Variants in LONRF1 observed in about 807,000 individuals in gnomAD.
LONRF1 encodes LON peptidase N-terminal domain and RING finger protein 1.
In LONRF1, 37 loss-of-function variants were observed where a neutral mutation model predicts 85.8. The observed-to-expected ratio is 0.43, with a 90% CI of 0.33 to 0.57. The LOEUF is 0.57. Among genes scored for constraint, LONRF1 ranks in the 20% least tolerant of loss-of-function variants. LONRF1 has a pLI of 0.04. For missense variants in LONRF1, 1,036 were observed against 978.0 expected (o/e 1.06, Z -0.79); for synonymous variants, 517 against 390.1 (o/e 1.33, Z -3.83).
chr8:12,750,739 T>G (rs991902542), intron 1 of LONRF1, among the ~76,000 whole-genome samples: 1 of 152,232 alleles, frequency 6.6e-6, no homozygotes, highest in Non-Finnish European at 1.5e-5. Flanking sequence ...TATAGTTTAT[T>G]GATGAATGCT....
chr8:12,737,164 G>A, intron 4 of LONRF1, 24 bp from the exon 5 acceptor site: 2 of 1,605,112 alleles, frequency 1.2e-6, no homozygotes, highest in Non-Finnish European at 1.7e-6. Flanking sequence ...ATAAACAAAG[G>A]TAACTGTATT....
intron 1 of LONRF1, among the ~76,000 whole-genome samples, chr8:12,744,596 T>C (rs914774517): frequency 2.6e-5 from 4 of 152,182 alleles, no homozygotes; most frequent in Admixed American, 1.3e-4. Context: ...GAGCTTATAA[T>C]CTAGCTAGAA....
chr8:12,722,646 C>T lies in LONRF1; in HGVS notation c.*450G>A, dbSNP rs1288892349. 1.9e-5 allele frequency: 3 copies of T among 154,348 alleles called. No individual in the cohort carries two copies. Among genetic ancestry groups the T allele is most frequent in the Admixed American group, 6.4e-5 (1 of 15,688 alleles). 9.6% of individuals were successfully genotyped at this position (154,348 alleles called of 1,614,324 possible). ...AAATTCAATTTGCAAAAACTTGTAT[C>T]GCTACTCTTGTAAACTTGGGCAATA... is the stretch of plus-strand genomic sequence containing the variant. On this transcript the variant is annotated 3_prime_UTR_variant, in exon 12 of 12. Coordinates refer to ENST00000398246, the MANE Select transcript of LONRF1 (RefSeq NM_152271.5).
chr8:12,737,667 G>C (rs1486676299), intron 4 of LONRF1, among the ~76,000 whole-genome samples: 1 of 152,108 alleles, frequency 6.6e-6, no homozygotes, highest in East Asian at 1.9e-4. Context: ...AGAAATCAAG[G>C]TGACTTATGT....
chr8:12,755,070 G>A lies in LONRF1; in HGVS notation c.351C>T (p.Ala117=), dbSNP rs965988470. The change falls in exon 1 of 12, where the codon GCC becomes GCT. Residue 117 remains alanine, a synonymous_variant. Transcript: ENST00000398246. ...AGCCCAGGCATCTGAGGAGCCCGCCGGCGCCGCCGTCAGCGCCTGCAACCG... is the reference window on the plus strand; with the variant it reads ...AGCCCAGGCATCTGAGGAGCCCGCCAGCGCCGCCGTCAGCGCCTGCAACCG... ...AAPVAGADGG[A]GGLLRCLGCR... 2.0e-5 allele frequency: 30 copies of A among 1,473,352 alleles called. No homozygotes were observed. In the African/African-American group the frequency reaches 3.2e-4, roughly 16 times the overall value. The allele number at this position is 1,473,352 out of a possible 1,614,324, so 91.3% of individuals were successfully genotyped here.
intron 10 of LONRF1, among the ~76,000 whole-genome samples, chr8:12,727,672 C>T (rs1456293912): frequency 1.3e-5 from 2 of 152,130 alleles, no homozygotes; most frequent in African/African-American, 4.8e-5. Context: ...TAAATTTACA[C>T]AAAACTGAAA....
At chr8:12,737,739 A>C (rs1162484002) in intron 4 of LONRF1, among the ~76,000 whole-genome samples, 1 of 152,154 alleles carries the variant, frequency 6.6e-6, no homozygotes, top group Non-Finnish European at 1.5e-5. Flanking sequence ...AGGAAACATA[A>C]ATGCAATGTT....
At chr8:12,746,616 C>G (rs1799164891) in intron 1 of LONRF1, among the ~76,000 whole-genome samples, 1 of 152,190 alleles carries the variant, frequency 6.6e-6, no homozygotes, top group African/African-American at 2.4e-5. Context: ...ATTTCCTTAG[C>G]TTTAATATTC....
At position 12,731,864 on chromosome 8, in the gene LONRF1, G is replaced by C. The variant is rs1798540938; in HGVS notation, c.1567-7C>G. On this transcript the variant is annotated splice_region_variant and splice_polypyrimidine_tract_variant and intron_variant, in intron 7 of 11. Coordinates refer to ENST00000398246, the MANE Select transcript of LONRF1 (RefSeq NM_152271.5). ...ACCTCCTATCTGCTAGATACTAAAA[G>C]ACAATATTATTTTACATTCCAGCAG... is the stretch of plus-strand genomic sequence containing the variant. 2.5e-6 allele frequency: 4 copies of C among 1,605,906 alleles called. No individual in the cohort carries two copies. Among genetic ancestry groups the C allele is most frequent in the African/African-American group, 1.3e-5 (1 of 74,366 alleles).
At chr8:12,749,214 G>A (rs1799282683) in intron 1 of LONRF1, among the ~76,000 whole-genome samples, 2 of 152,074 alleles carry the variant, frequency 1.3e-5, no homozygotes, top group South Asian at 4.1e-4. Context: ...AGATACAGAA[G>A]AGTATTTTCT....
Position 12,725,875 on chromosome 8 carries a change from T to C in LONRF1, c.2015A>G (p.Glu672Gly). 1 of 1,608,386 alleles carries C rather than the reference T, an allele frequency of 6.2e-7. No individual in the cohort carries two copies. Among genetic ancestry groups the C allele is most frequent in the Non-Finnish European group, 8.5e-7 (1 of 1,176,842 alleles). The change falls in exon 11 of 12, where the codon GAG becomes GGG. Residue 672 changes from glutamate (E) to glycine (G), a missense_variant. Around this residue, in one of 3 missense-constraint regions of LONRF1, gnomAD observed 265 missense variants for 301.5 expected, o/e 0.88. Coordinates refer to ENST00000398246, the MANE Select transcript of LONRF1 (RefSeq NM_152271.5). The part of the protein sequence containing the change: ...DIEYLEDVKV[E>G]NEDEIKNLRE... ...GAGATTCTTAATCTCATCTTCATTCTCAACCTAGAAATACAATAGTCAGTA... is the reference window on the plus strand; with the variant it reads ...GAGATTCTTAATCTCATCTTCATTCCCAACCTAGAAATACAATAGTCAGTA...
At chr8:12,734,051 G>C (rs1798628372) in intron 7 of LONRF1, among the ~76,000 whole-genome samples, 1 of 152,036 alleles carries the variant, frequency 6.6e-6, no homozygotes, top group South Asian at 2.1e-4. Flanking sequence ...AATTACTTTT[G>C]CACCAACCTA....
chr8:12,754,820 C>T lies in LONRF1; in HGVS notation c.601G>A (p.Ala201Thr). The change falls in exon 1 of 12, where the codon GCC (alanine) becomes ACC (threonine). Residue 201 changes from alanine (A) to threonine (T), a missense_variant. Physicochemically the swap from Ala to Thr is moderately conservative, Grantham distance 58. Coordinates refer to ENST00000398246, the MANE Select transcript of LONRF1 (RefSeq NM_152271.5). Reference protein sequence around the residue: ...FRTSVVLNHLAEKWFPGQRER... With the variant: ...FRTSVVLNHLTEKWFPGQRER... Reference sequence around the variant, plus strand: ...CGCTGGCCCGGAAACCACTTCTCGGCCAGGTGGTTGAGGACGACGCTGGTT... The same window carrying T: ...CGCTGGCCCGGAAACCACTTCTCGGTCAGGTGGTTGAGGACGACGCTGGTT... 2.0e-6 allele frequency: 3 copies of T among 1,492,948 alleles called. No individual in the cohort carries two copies. Among genetic ancestry groups the T allele is most frequent in the South Asian group, 2.5e-5 (2 of 79,810 alleles). 92.5% of individuals were successfully genotyped at this position (1,492,948 alleles called of 1,614,324 possible).
At chr8:12,750,270 G>A (rs941017485) in intron 1 of LONRF1, among the ~76,000 whole-genome samples, 17 of 152,184 alleles carry the variant, frequency 1.1e-4, no homozygotes, top group African/African-American at 4.1e-4. Context: ...AGTGTTTACT[G>A]TTTCAAGTCC....
rs1356685241 is a variant in LONRF1 at position 12,737,139 on chromosome 8, C to T, written c.1115G>A (p.Ser372Asn). Reference sequence around the variant, plus strand: ...TGAAGTGACCTCTGGTATTTCTTCACTCTACAAAAATACAATAAACAAAGG... The same window carrying T: ...TGAAGTGACCTCTGGTATTTCTTCATTCTACAAAAATACAATAAACAAAGG... ...QSLNEPSPKQSEEIPEVTSEP... is the reference protein window; with the variant it reads ...QSLNEPSPKQNEEIPEVTSEP... Residue 372 changes from serine (S) to asparagine (N), a missense_variant and splice_region_variant, in exon 5 of 12, where the codon AGT becomes AAT. Around this residue, in one of 3 missense-constraint regions of LONRF1, gnomAD observed 742 missense variants for 614.4 expected, o/e 1.21. Coordinates refer to ENST00000398246, the MANE Select transcript of LONRF1 (RefSeq NM_152271.5). 2 of 1,610,104 alleles carry T rather than the reference C, an allele frequency of 1.2e-6. No individual in the cohort carries two copies. Among genetic ancestry groups the T allele is most frequent in the Admixed American group, 3.4e-5 (2 of 59,240 alleles).
intron 6 of LONRF1, among the ~76,000 whole-genome samples, chr8:12,735,808 C>T (rs1282111837): frequency 6.6e-6 from 1 of 152,056 alleles, no homozygotes; most frequent in African/African-American, 2.4e-5. Context: ...TTTGTATAGC[C>T]TTTAGATTCC....
chr8:12,729,502 G>A (rs775727073), intron 8 of LONRF1, 170 bp from the exon 9 acceptor site: 190 of 605,530 alleles, frequency 3.1e-4, no homozygotes, highest in Non-Finnish European at 4.8e-4. Flanking sequence ...TCAGCACCCC[G>A]TTCACTAAGC....
In LONRF1 at chr8:12,725,944, C is replaced by G. The variant is rs970366228; in HGVS notation, c.2011-65G>C. On this transcript the variant is annotated intron_variant, in intron 10 of 11. Transcript: ENST00000398246. The stretch of plus-strand genomic sequence containing the variant: ...CCCCGTCCATATGCCATATGCCAAC[C>G]GACACAAATGGAAAAAGGGATCAGA... 1.1e-5 allele frequency: 16 copies of G among 1,471,138 alleles called. No homozygotes were observed. The South Asian group carries it at 1.9e-4, about 18-fold the overall frequency. 91.1% of individuals were successfully genotyped at this position (1,471,138 alleles called of 1,614,324 possible).
At chr8:12,734,327 C>T (rs942500242) in intron 7 of LONRF1, among the ~76,000 whole-genome samples, 4 of 152,072 alleles carry the variant, frequency 2.6e-5, no homozygotes, top group African/African-American at 9.7e-5. Context: ...TTATGACATC[C>T]GTACTGAGTT....
Sources: allele counts gnomAD v4.1 joint callset (sites outside exome capture counted in the v4.1 genomes callset), GRCh38; gene constraint gnomAD v4.1.1; regional missense constraint gnomAD v4.1.1; transcripts MANE v1.5; gene names NCBI Gene and HGNC (gene_info 2026-07-23, HGNC 2026-07-21).